The following DNAAF11 variants were observed in gnomAD, a reference collection of about 807,000 sequenced individuals.
DNAAF11 encodes the protein dynein axonemal assembly factor 11, also known as leucine rich repeat containing 6.
A neutral mutation model predicts 60.8 loss-of-function variants in DNAAF11; 45 were observed. The observed-to-expected ratio is 0.74, with a 90% CI of 0.58 to 0.95. The LOEUF (loss-of-function observed/expected upper bound fraction) is 0.95, where lower values mean the gene tolerates loss of function less well. DNAAF11 is among the 40% of genes least tolerant of loss of function. The pLI, the probability that DNAAF11 is intolerant of heterozygous loss-of-function variation, is 0.00. For synonymous variants in DNAAF11, 191 were observed against 183.5 expected (o/e 1.04, Z -0.33); for missense variants, 546 against 546.2 (o/e 1.00, Z 0.00).
intron 3 of DNAAF11, among the ~76,000 whole-genome samples, chr8:132,653,099 CA>C (rs999409160): frequency 1.3e-5 from 2 of 151,786 alleles, no homozygotes; most frequent in Non-Finnish European, 2.9e-5. Flanking sequence ...AGATGCAGGT[CA>C]AAAGGCACAA....
chr8:132,691,530 T>C, the DNAAF11 span, among the ~76,000 whole-genome samples: 1 of 152,158 alleles, frequency 6.6e-6, no homozygotes, highest in African/African-American at 2.4e-5. Flanking sequence ...TACCTGAGAC[T>C]CGGCAATTTA....
In DNAAF11 at chr8:132,595,348, G is replaced by GAAAAAAAAAAAAA. The variant is rs71306394; in HGVS notation, c.1141-11582_1141-11570dup. Among the ~76,000 whole-genome samples, 8 of 57,412 alleles carry GAAAAAAAAAAAAA rather than the reference G, an allele frequency of 1.4e-4. 1 individual carries two copies. Among genetic ancestry groups the GAAAAAAAAAAAAA allele is most frequent in the African/African-American group, 7.8e-4 (7 of 8,938 alleles). The allele number at this position is 57,412 out of a possible 152,430, so 37.7% of individuals were successfully genotyped here. On this transcript the variant is annotated intron_variant, in intron 10 of 11. Coordinates refer to ENST00000620350, the MANE Select transcript of DNAAF11 (RefSeq NM_012472.6). ...TCCCGAAAGAGAGAGAGACAGAGGG[G>GAAAAAAAAAAAAA]AAAAAAAAAAAAAAAAAAAAAAAAA...
chr8:132,600,850 G>A (rs1056162276), intron 10 of DNAAF11, among the ~76,000 whole-genome samples: 2 of 152,134 alleles, frequency 1.3e-5, no homozygotes, highest in South Asian at 4.1e-4. Flanking sequence ...TACCATTCAG[G>A]ACATAGGCAT....
intron 11 of DNAAF11, among the ~76,000 whole-genome samples, chr8:132,580,522 T>C (rs1447780285): frequency 6.6e-6 from 1 of 152,174 alleles, no homozygotes; most frequent in East Asian, 1.9e-4. Context: ...TTTAAATGAT[T>C]ACAATGGTCA....
At chr8:132,615,367 T>C (rs576461946) in intron 7 of DNAAF11, among the ~76,000 whole-genome samples, 51 of 152,360 alleles carry the variant, frequency 3.3e-4, no homozygotes, top group African/African-American at 1.2e-3. Context: ...AGTGCAGAGA[T>C]AGAGACATCT....
At chr8:132,701,630 C>T in the DNAAF11 span, among the ~76,000 whole-genome samples, 1,475 of 152,250 alleles carry the variant, frequency 9.7e-3, 25 homozygotes, top group African/African-American at 0.034. Context: ...GAAGACACAC[C>T]GAATGCACTA....
At chr8:132,650,130 A>C (rs1822851694) in intron 3 of DNAAF11, among the ~76,000 whole-genome samples, 1 of 152,248 alleles carries the variant, frequency 6.6e-6, no homozygotes, top group Non-Finnish European at 1.5e-5. Flanking sequence ...AATGTCCATC[A>C]ATGATAGACT....
intron 10 of DNAAF11, among the ~76,000 whole-genome samples, chr8:132,605,334 A>G (rs191129736): frequency 1.3e-5 from 2 of 152,328 alleles, no homozygotes; most frequent in Admixed American, 6.5e-5. Flanking sequence ...AAAAATTCCA[A>G]TGGTCTTTTC....
At chr8:132,575,440 T>C (rs1814641035) in intron 11 of DNAAF11, among the ~76,000 whole-genome samples, 1 of 152,214 alleles carries the variant, frequency 6.6e-6, no homozygotes, top group South Asian at 2.1e-4. Context: ...ACACATCTTT[T>C]AGGTGCCCAG....
rs1328804593 is a variant in DNAAF11, at chr8:132,674,092, AGG to A, written c.10+1390_10+1391del. Among the ~76,000 whole-genome samples, 21 of 148,386 alleles carry A rather than the reference AGG, an allele frequency of 1.4e-4. 1 individual carries two copies. Among genetic ancestry groups the A allele is most frequent in the African/African-American group, 5.2e-4 (21 of 40,232 alleles). ...CAGGAGGAGGAGGAGCAGGAGGAGG[AGG>A]AGCAGGAGGAGGAGGAGCAGGAGGA... On this transcript the variant is annotated intron_variant, in intron 1 of 11. Transcript: ENST00000620350.
At chr8:132,649,754 G>C (rs1306906424) in intron 3 of DNAAF11, among the ~76,000 whole-genome samples, 2 of 152,128 alleles carry the variant, frequency 1.3e-5, no homozygotes, top group Admixed American at 1.3e-4. Context: ...GCAGCCAACA[G>C]ACGCATGAAA....
At chr8:132,619,215 A>G (rs1344930643) in intron 7 of DNAAF11, among the ~76,000 whole-genome samples, 1 of 151,134 alleles carries the variant, frequency 6.6e-6, no homozygotes, top group Non-Finnish European at 1.5e-5. Flanking sequence ...ACCAAACACC[A>G]CATGTTCTCA....
intron 10 of DNAAF11, chr8:132,608,463 A>T: frequency 2.2e-6 from 1 of 449,332 alleles, no homozygotes; most frequent in Non-Finnish European, 4.5e-6. Context: ...GACAGATTAA[A>T]AACATAAAGG....
chr8:132,595,347 G>GACA lies in DNAAF11; in HGVS notation c.1141-11569_1141-11568insTGT. On this transcript the variant is annotated intron_variant, in intron 10 of 11. Transcript: ENST00000620350. ...TTCCCGAAAGAGAGAGAGACAGAGG[G>GACA]GAAAAAAAAAAAAAAAAAAAAAAAA... Among the ~76,000 whole-genome samples, 2 of 40,676 alleles carry GACA rather than the reference G, an allele frequency of 4.9e-5. 1 individual carries two copies. Among genetic ancestry groups the GACA allele is most frequent in the Non-Finnish European group, 9.4e-5 (2 of 21,376 alleles). The allele number at this position is 40,676 out of a possible 152,430, so 26.7% of individuals were successfully genotyped here.
At chr8:132,647,782 G>C (rs1822550967) in intron 3 of DNAAF11, among the ~76,000 whole-genome samples, 1 of 152,138 alleles carries the variant, frequency 6.6e-6, no homozygotes. Context: ...ATGAATTCCT[G>C]GACATATACA....
At chr8:132,655,523 A>C (rs1421117349) in intron 3 of DNAAF11, among the ~76,000 whole-genome samples, 2 of 152,196 alleles carry the variant, frequency 1.3e-5, no homozygotes, top group Non-Finnish European at 2.9e-5. Flanking sequence ...GTTGAAAAGA[A>C]AACCCACAAA....
At chr8:132,693,610 T>A in the DNAAF11 span, among the ~76,000 whole-genome samples, 1 of 151,928 alleles carries the variant, frequency 6.6e-6, no homozygotes, top group Non-Finnish European at 1.5e-5. Flanking sequence ...AGCCAACTAA[T>A]AAACAGGTAA....
chr8:132,693,279 G>C, the DNAAF11 span, among the ~76,000 whole-genome samples: 1 of 152,178 alleles, frequency 6.6e-6, no homozygotes, highest in Non-Finnish European at 1.5e-5. Flanking sequence ...AAAATGGAGG[G>C]AGAAAGCATT....
chr8:132,677,344 A>G (rs1179069011), upstream of DNAAF11, among the ~76,000 whole-genome samples: 2 of 152,176 alleles, frequency 1.3e-5, no homozygotes, highest in South Asian at 2.1e-4. Context: ...CAGGCCTACT[A>G]TAAAGGATCT....
Sources: allele counts gnomAD v4.1 joint callset (sites outside exome capture counted in the v4.1 genomes callset), GRCh38; gene constraint gnomAD v4.1.1; transcripts MANE v1.5; gene names NCBI Gene and HGNC (gene_info 2026-07-23, HGNC 2026-07-21).